The following DNAH10 variants were observed in gnomAD, a reference collection of about 807,000 sequenced individuals.
DNAH10 encodes axonemal beta dynein heavy chain 10.
DNAH10 carries 348 observed loss-of-function variants against 506.6 expected under a neutral mutation model. That is an observed-to-expected ratio of 0.69 (90% confidence interval 0.63 to 0.75). DNAH10 has a LOEUF of 0.75. Among genes scored for constraint, DNAH10 ranks in the 30% least tolerant of loss-of-function variants. The pLI, the probability that DNAH10 is intolerant of heterozygous loss-of-function variation, is 0.00. For missense variants in DNAH10, 5,179 were observed against 5,787.1 expected (o/e 0.89, Z 3.41); for synonymous variants, 2,059 against 2,198.6 (o/e 0.94, Z 1.78).
chr12:123,809,651 A>AAACAACAAC (rs146942558), intron 19 of DNAH10, among the ~76,000 whole-genome samples: 3,806 of 150,974 alleles, frequency 0.025, 148 homozygotes, highest in African/African-American at 0.089. Flanking sequence ...CGTGTCTCTA[A>AAACAACAAC]AACAACAACA....
At position 123,897,892 on chromosome 12, in the gene DNAH10, G is replaced by A. The variant is rs935705376; in HGVS notation, c.9403G>A (p.Val3135Ile). Residue 3135 changes from valine (V) to isoleucine (I), a missense_variant, in exon 55 of 79, where the codon GTC (valine) becomes ATC (isoleucine). By Grantham distance (29) the Val-to-Ile change is conservative. This residue lies in a region of DNAH10 where 4,844 missense variants were observed against 5,430.5 expected (regional missense o/e 0.89). Coordinates refer to ENST00000673944, the MANE Select transcript of DNAH10 (RefSeq NM_001372106.1). ...FLQKLRRSNYVTPKNYLDFIN... is the reference protein window; with the variant it reads ...FLQKLRRSNYITPKNYLDFIN... ...ACAGAAATTGAGGCGCAGCAACTATGTCACTCCCAAGAACTACCTTGATTT... is the reference window on the plus strand; with the variant it reads ...ACAGAAATTGAGGCGCAGCAACTATATCACTCCCAAGAACTACCTTGATTT... 1.2e-5 allele frequency: 19 copies of A among 1,611,392 alleles called. No individual in the cohort carries two copies. The African/African-American group carries it at 1.3e-4, about 11-fold the overall frequency.
intron 29 of DNAH10, among the ~76,000 whole-genome samples, chr12:123,840,388 T>C (rs1950725499): frequency 6.8e-6 from 1 of 147,696 alleles, no homozygotes. Context: ...CAGTATTCTG[T>C]TTCCAGTTTT....
rs142550008 is a variant in DNAH10, at chr12:123,813,393, T to A, written c.3374T>A (p.Val1125Glu). 3.2e-5 allele frequency: 52 copies of A among 1,614,242 alleles called. No individual in the cohort carries two copies. In the African/African-American group the frequency reaches 6.7e-4, roughly 21 times the overall value. ...CTCTGGAAATTGGACAAAGCTATTG[T>A]GATGGAGAAATTTGCTGCCAAGAAA... ...RPLWKLDKAI[V>E]MEKFAAKKPP... The change falls in exon 20 of 79, where the codon GTG (valine) becomes GAG (glutamate). Residue 1125 changes from valine to glutamate, a missense_variant. By Grantham distance (121) the Val-to-Glu change is moderately radical. Coordinates refer to ENST00000673944, the MANE Select transcript of DNAH10 (RefSeq NM_001372106.1).
rs1957812271 is a variant in DNAH10, at chr12:123,785,500, TG to T, written c.1231-244del. ...AAAAATAAAAAATTAGCCGGTGTAG[TG>T]GTGCATGCCTGTATTCTCAGCTTAC... On this transcript the variant is annotated intron_variant, in intron 8 of 78. Coordinates refer to ENST00000673944, the MANE Select transcript of DNAH10 (RefSeq NM_001372106.1). This position sits in a 1 kb window ranked among gnomAD's most constrained non-coding sequence, Gnocchi z 4.1. Among the ~76,000 whole-genome samples the T allele has an allele frequency of 6.6e-6, 1 of 152,090 alleles. No homozygotes were observed. Among genetic ancestry groups the T allele is most frequent in the Non-Finnish European group, 1.5e-5 (1 of 68,018 alleles).
intron 47 of DNAH10, among the ~76,000 whole-genome samples, chr12:123,876,234 C>T (rs745310004): frequency 4.6e-5 from 7 of 152,136 alleles, no homozygotes; most frequent in South Asian, 2.1e-4. Context: ...GCTTTCAAAA[C>T]GGTGAGGTCC....
chr12:123,927,052 T>C, intron 69 of DNAH10: 1 of 560,258 alleles, frequency 1.8e-6, no homozygotes, highest in Non-Finnish European at 3.1e-6. Context: ...TCCTTTTTCT[T>C]TTCTTTTTGA....
At chr12:123,832,357 C>A (rs773426738) in intron 26 of DNAH10, among the ~76,000 whole-genome samples, 4 of 152,080 alleles carry the variant, frequency 2.6e-5, no homozygotes, top group Non-Finnish European at 5.9e-5. Context: ...TACATATACA[C>A]ACAATGTTCA....
At chr12:123,841,596 A>G (rs1243537250) in intron 30 of DNAH10, 51 bp downstream of exon 30, 3 of 1,546,192 alleles carry the variant, frequency 1.9e-6, no homozygotes, top group Non-Finnish European at 2.7e-6. Flanking sequence ...CATAGTCATA[A>G]TGGATTAATT....
At chr12:123,872,369 G>A (rs1205376023) in intron 45 of DNAH10, among the ~76,000 whole-genome samples, 1 of 152,070 alleles carries the variant, frequency 6.6e-6, no homozygotes, top group Non-Finnish European at 1.5e-5. Context: ...ACAGCCAGAG[G>A]GACCTGCAGG....
chr12:123,845,122 A>G (rs1950901399), intron 30 of DNAH10, among the ~76,000 whole-genome samples: 1 of 152,094 alleles, frequency 6.6e-6, no homozygotes, highest in South Asian at 2.1e-4. Flanking sequence ...GCGCCCCTGG[A>G]GTAGCTGGGA....
intron 52 of DNAH10, 39 bp downstream of exon 52, chr12:123,887,352 G>A (rs372697959): frequency 1.4e-4 from 227 of 1,595,634 alleles, no homozygotes; most frequent in African/African-American, 2.4e-4. Context: ...CCAACACCCC[G>A]CTCAGCTCTT....
intron 25 of DNAH10, among the ~76,000 whole-genome samples, chr12:123,829,132 A>G (rs1316955004): frequency 6.6e-6 from 1 of 152,188 alleles, no homozygotes; most frequent in Non-Finnish European, 1.5e-5. Context: ...GCCTTCCTGA[A>G]GATAAGGCTT....
rs1483066306 is a variant in DNAH10 at position 123,830,622 on chromosome 12, G to A, written c.4468G>A (p.Ala1490Thr). The A allele has an allele frequency of 6.2e-7, 1 of 1,613,852 alleles. No homozygotes were observed. The highest frequency in any genetic ancestry group is 1.7e-4 in the Middle Eastern group (1 of 6,060). ...TETFTLENMF[A>T]MELHKHTDVL... The stretch of plus-strand genomic sequence containing the variant: ...AACGTTCACCTTGGAAAATATGTTT[G>A]CTATGGAACTGCACAAACACACAGA... The change falls in exon 26 of 79, where the codon GCT becomes ACT. Residue 1490 changes from alanine (A) to threonine (T), a missense_variant. By Grantham distance (58) the Ala-to-Thr change is moderately conservative. Transcript: ENST00000673944.
intron 47 of DNAH10, among the ~76,000 whole-genome samples, 191 bp downstream of exon 47, chr12:123,875,682 G>A (rs1952226797): frequency 6.6e-6 from 1 of 152,204 alleles, no homozygotes; most frequent in Non-Finnish European, 1.5e-5. Flanking sequence ...ATTATAAAAT[G>A]TAATTGTAAT....
intron 76 of DNAH10, among the ~76,000 whole-genome samples, chr12:123,932,887 G>A (rs139992346): frequency 1.3e-3 from 197 of 152,286 alleles, no homozygotes; most frequent in African/African-American, 4.5e-3. Flanking sequence ...TCTCATTGAT[G>A]TTTAAGAGCT....
At chr12:123,796,615 C>T (rs370297784) in intron 12 of DNAH10, 41 bp from the exon 13 acceptor site, 26 of 1,528,214 alleles carry the variant, frequency 1.7e-5, no homozygotes, top group Admixed American at 8.2e-5. Context: ...GCTAACCTGG[C>T]GATGTTTATC....
At chr12:123,847,218 TTATCTATCTATCTATCTATCTATCTATC>T (rs61214034) in intron 32 of DNAH10, among the ~76,000 whole-genome samples, 83 of 142,836 alleles carry the variant, frequency 5.8e-4, no homozygotes, top group Non-Finnish European at 1.0e-3. Context: ...ATCCATCCTA[TTATCTATCTATCTATCTATCTATCTATC>T]TATCTATCTA....
chr12:123,914,782 C>T, intron 61 of DNAH10, 70 bp from the exon 62 acceptor site: 1 of 1,556,206 alleles, frequency 6.4e-7, no homozygotes, highest in Non-Finnish European at 8.7e-7. Context: ...GAAGGCCAGT[C>T]CTACCACCCT....
At chr12:123,770,042 A>G (rs553537444) in intron 2 of DNAH10, among the ~76,000 whole-genome samples, 1 of 151,644 alleles carries the variant, frequency 6.6e-6, no homozygotes, top group Admixed American at 6.6e-5. Flanking sequence ...GGAGTTCGAG[A>G]CTAGCCCAGC....
Sources: allele counts gnomAD v4.1 joint callset (sites outside exome capture counted in the v4.1 genomes callset), GRCh38; gene constraint gnomAD v4.1.1; regional missense constraint gnomAD v4.1.1; non-coding constraint Gnocchi (gnomAD v3.1); transcripts MANE v1.5; gene names NCBI Gene and HGNC (gene_info 2026-07-23, HGNC 2026-07-21).